Variants in FBXO38 observed in about 807,000 individuals in gnomAD.
FBXO38 encodes F-box only protein 38.
A neutral mutation model predicts 131.9 loss-of-function variants in FBXO38; 53 were observed. The observed-to-expected ratio is 0.40, with a 90% CI of 0.32 to 0.51. The LOEUF (loss-of-function observed/expected upper bound fraction) is 0.51, where lower values mean the gene tolerates loss of function less well. Among genes scored for constraint, FBXO38 ranks in the 20% least tolerant of loss-of-function variants. The probability of loss-of-function intolerance (pLI) is 0.53; values close to 1 mark genes in which losing one functional copy is unlikely to be tolerated. For synonymous variants in FBXO38, 452 were observed against 505.6 expected (o/e 0.89, Z 1.42); for missense variants, 1,076 against 1,475.6 (o/e 0.73, Z 4.44).
chr5:148,411,386 T>C (rs963556265), intron 9 of FBXO38, among the ~76,000 whole-genome samples: 7 of 152,368 alleles, frequency 4.6e-5, no homozygotes, highest in South Asian at 2.1e-4. Context: ...CAATAAGATA[T>C]GAAAGAAAAT....
chr5:148,384,426 A>G (rs137975186), intron 1 of FBXO38, among the ~76,000 whole-genome samples: 159 of 152,302 alleles, frequency 1.0e-3, no homozygotes, highest in Non-Finnish European at 1.8e-3. Context: ...AGTAAAGTGA[A>G]GGAGGTCTGT....
chr5:148,428,091 A>G, intron 15 of FBXO38, 144 bp downstream of exon 15: 1 of 875,520 alleles, frequency 1.1e-6, no homozygotes, highest in Non-Finnish European at 1.6e-6. Context: ...ATTTTGAACT[A>G]ATTTCAGCAA....
chr5:148,401,953 C>A, intron 3 of FBXO38, 29 bp from the exon 4 acceptor site: 1 of 1,553,074 alleles, frequency 6.4e-7, no homozygotes, highest in Non-Finnish European at 8.8e-7. Flanking sequence ...AAAGATGAAC[C>A]TGGCTCTAAA....
chr5:148,440,249 T>C, intron 19 of FBXO38, 175 bp from the exon 20 acceptor site: 2 of 551,914 alleles, frequency 3.6e-6, no homozygotes, highest in Non-Finnish European at 6.5e-6. Context: ...AGTTTTGACC[T>C]GACTACACTT....
chr5:148,392,735 G>A (rs183903721), intron 1 of FBXO38, among the ~76,000 whole-genome samples: 4 of 152,056 alleles, frequency 2.6e-5, no homozygotes, highest in Non-Finnish European at 5.9e-5. Context: ...CAAGAATCGA[G>A]AATATCACTT....
intron 17 of FBXO38, among the ~76,000 whole-genome samples, chr5:148,438,024 G>T (rs540192497): frequency 6.6e-6 from 1 of 152,198 alleles, no homozygotes; most frequent in South Asian, 2.1e-4. Context: ...CTATAAAAAT[G>T]TATAATAGTT....
In FBXO38 at chr5:148,424,074, C is replaced by T; in HGVS notation, c.1695C>T (p.His565=). ...VAESGNNTPA[H]SQAIIPVDVD... is the part of the protein sequence containing the mutation. Reference sequence around the variant, plus strand: ...AGAGTGGAAATAATACTCCAGCTCACAGCCAGGCAATTATTCCTGTGGATG... The same window carrying T: ...AGAGTGGAAATAATACTCCAGCTCATAGCCAGGCAATTATTCCTGTGGATG... The change falls in exon 13 of 22, where the codon CAC becomes CAT. Residue 565 remains histidine, a synonymous_variant. Coordinates refer to ENST00000340253, the MANE Select transcript of FBXO38 (RefSeq NM_205836.3). The T allele has an allele frequency of 1.9e-6, 3 of 1,613,652 alleles. No homozygotes were observed. Among genetic ancestry groups the T allele is most frequent in the Non-Finnish European group, 2.5e-6 (3 of 1,179,668 alleles).
intron 1 of FBXO38, among the ~76,000 whole-genome samples, chr5:148,385,825 G>A (rs1757885640): frequency 6.6e-6 from 1 of 152,148 alleles, no homozygotes; most frequent in Non-Finnish European, 1.5e-5. Flanking sequence ...ACTAAAGAAA[G>A]GCATGAGAAA....
chr5:148,435,729 AG>A (rs1754314310), intron 17 of FBXO38, among the ~76,000 whole-genome samples: 1 of 152,166 alleles, frequency 6.6e-6, no homozygotes, highest in East Asian at 1.9e-4. Flanking sequence ...GAGACTGCGC[AG>A]CTGCACTCCA....
At chr5:148,386,983 G>A (rs1211110929) in intron 1 of FBXO38, among the ~76,000 whole-genome samples, 2 of 152,110 alleles carry the variant, frequency 1.3e-5, no homozygotes, top group Admixed American at 6.5e-5. Flanking sequence ...TCTTGTCTCT[G>A]TCTTGGTGGC....
Position 148,441,210 on chromosome 5 carries a change from C to T in FBXO38, c.3361C>T (p.Arg1121Ter). 1.2e-6 allele frequency: 2 copies of T among 1,613,326 alleles called. No homozygotes were observed. The highest frequency in any genetic ancestry group is 1.7e-6 in the Non-Finnish European group (2 of 1,179,692). Reference protein sequence around the residue: ...LRAAEPNSFARYDFEDDEEST... With the variant: ...LRAAEPNSFA Reference sequence around the variant, plus strand: ...AGCTGCAGAGCCCAACAGCTTCGCTCGATACGACTTTGAAGACGATGAAGA... The same window carrying T: ...AGCTGCAGAGCCCAACAGCTTCGCTTGATACGACTTTGAAGACGATGAAGA... The change falls in exon 21 of 22, where the codon CGA becomes TGA. Residue 1121 changes from arginine (R) to a stop codon, truncating the protein, a stop_gained. Transcript: ENST00000340253. LOFTEE classifies it high-confidence loss of function.
In FBXO38 at chr5:148,423,985, A is replaced by G. The variant is rs1753580127; in HGVS notation, c.1619-13A>G. On this transcript the variant is annotated splice_polypyrimidine_tract_variant and intron_variant, in intron 12 of 21. Coordinates refer to ENST00000340253, the MANE Select transcript of FBXO38 (RefSeq NM_205836.3). ...TTCTTTTGGTTTTTACTTTGTGTAT[A>G]TTTTCGTTGAAGCATTAAATGAGAT... 1 of 1,605,380 alleles carries G rather than the reference A, an allele frequency of 6.2e-7. No homozygotes were observed.
chr5:148,422,824 C>T (rs1226954846), intron 12 of FBXO38, among the ~76,000 whole-genome samples: 1 of 152,152 alleles, frequency 6.6e-6, no homozygotes, highest in Admixed American at 6.5e-5. Context: ...CTAGTGGTTT[C>T]CCTCTGCCTA....
At chr5:148,437,682 G>T (rs1268742220) in intron 17 of FBXO38, among the ~76,000 whole-genome samples, 1 of 152,098 alleles carries the variant, frequency 6.6e-6, no homozygotes, top group Admixed American at 6.5e-5. Flanking sequence ...TGATATACTA[G>T]TTCAGTTAAA....
chr5:148,428,897 C>A (rs1753874802), intron 15 of FBXO38, among the ~76,000 whole-genome samples: 1 of 152,194 alleles, frequency 6.6e-6, no homozygotes. Flanking sequence ...TTATGCTTTG[C>A]AAACAGTGGT....
At chr5:148,423,358 T>A (rs1488003892) in intron 12 of FBXO38, among the ~76,000 whole-genome samples, 1 of 152,132 alleles carries the variant, frequency 6.6e-6, no homozygotes, top group Non-Finnish European at 1.5e-5. Flanking sequence ...AATAATGCCC[T>A]CACACAAGAT....
chr5:148,404,956 G>T, intron 6 of FBXO38, 134 bp downstream of exon 6: 2 of 682,986 alleles, frequency 2.9e-6, no homozygotes, highest in Non-Finnish European at 2.1e-6. Flanking sequence ...TTCATCTTGT[G>T]AAGATAAATG....
intron 19 of FBXO38, 116 bp from the exon 20 acceptor site, chr5:148,440,308 T>C (rs1754601965): frequency 1.5e-6 from 1 of 666,880 alleles, no homozygotes; most frequent in Non-Finnish European, 2.7e-6. Flanking sequence ...ATTTGATGTT[T>C]TGTTTGAGAT....
intron 8 of FBXO38, 151 bp downstream of exon 8, chr5:148,409,368 G>A (rs1752624759): frequency 6.4e-6 from 4 of 624,958 alleles, no homozygotes; most frequent in African/African-American, 3.7e-5. Context: ...CCAAATAACA[G>A]ATAAGTATAA....
Sources: gnomAD v4.1 joint callset for allele counts (sites outside exome capture counted in the v4.1 genomes callset) on GRCh38, gnomAD v4.1.1 for gene constraint, MANE v1.5 for transcripts, NCBI Gene and HGNC (gene_info 2026-07-23, HGNC 2026-07-21) for gene names.